The following VEGFC variants were observed in gnomAD, a reference collection of about 807,000 sequenced individuals.
VEGFC encodes FLT4 ligand DHM.
In VEGFC, 12 loss-of-function variants were observed where a neutral mutation model predicts 46.1. The ratio of observed to expected loss-of-function variants is 0.26; its 90% CI spans 0.17 to 0.42. VEGFC has a LOEUF of 0.42. Among genes scored for constraint, VEGFC ranks in the 10% least tolerant of loss-of-function variants. The probability of loss-of-function intolerance (pLI) is 1.00; values close to 1 mark genes in which losing one functional copy is unlikely to be tolerated. For missense variants in VEGFC, 488 were observed against 529.4 expected (o/e 0.92, Z 0.77); for synonymous variants, 232 against 195.5 (o/e 1.19, Z -1.56).
intron 1 of VEGFC, among the ~76,000 whole-genome samples, chr4:176,734,451 G>A (rs1393422908): frequency 1.3e-5 from 2 of 151,784 alleles, no homozygotes; most frequent in Non-Finnish European, 2.9e-5. Context: ...CACTACAAGT[G>A]CTCAGCAAAC....
intron 1 of VEGFC, among the ~76,000 whole-genome samples, chr4:176,787,395 TGC>T (rs1736020891): frequency 6.9e-6 from 1 of 143,916 alleles, no homozygotes; most frequent in South Asian, 2.2e-4. Flanking sequence ...AGGCAGAGGT[TGC>T]AGTGAGCCAA....
chr4:176,689,936 G>A (rs1002462250), intron 4 of VEGFC, among the ~76,000 whole-genome samples: 2 of 152,092 alleles, frequency 1.3e-5, no homozygotes, highest in Non-Finnish European at 2.9e-5. Flanking sequence ...TATTTTGTAG[G>A]AAATAGCTAT....
intron 1 of VEGFC, among the ~76,000 whole-genome samples, chr4:176,779,870 G>A (rs1018478901): frequency 1.3e-5 from 2 of 152,172 alleles, no homozygotes; most frequent in Non-Finnish European, 2.9e-5. Context: ...ATGTGCGAAT[G>A]TACCACCAGT....
intron 1 of VEGFC, among the ~76,000 whole-genome samples, chr4:176,730,761 A>G (rs544885595): frequency 6.6e-6 from 1 of 152,256 alleles, no homozygotes; most frequent in East Asian, 1.9e-4. Flanking sequence ...TGAGCACAAA[A>G]TGAACATATT....
chr4:176,755,109 T>C (rs999915567), intron 1 of VEGFC, among the ~76,000 whole-genome samples: 2 of 152,046 alleles, frequency 1.3e-5, no homozygotes, highest in Admixed American at 6.6e-5. Flanking sequence ...CCAATTCGTA[T>C]AGATGTATAC....
At position 176,727,959 on chromosome 4, in the gene VEGFC, T is replaced by A; in HGVS notation, c.371A>T (p.Asn124Ile). ...CATGCATTGAGTCTTTCTCCACTCA[T>A]TATCAATACCTGTCAAGTCATAGGG... ...YNTEILKSID[N>I]EWRKTQCMPR... is the part of the protein sequence containing the mutation. The change falls in exon 3 of 7, where the codon AAT (asparagine) becomes ATT (isoleucine). Residue 124 changes from asparagine (N) to isoleucine (I), a missense_variant. Transcript: ENST00000618562. 6.2e-6 allele frequency: 10 copies of A among 1,608,092 alleles called. No homozygotes were observed. The highest frequency in any genetic ancestry group is 7.6e-6 in the Non-Finnish European group (9 of 1,176,498).
chr4:176,722,917 C>A (rs972699799), intron 3 of VEGFC, among the ~76,000 whole-genome samples: 1 of 152,182 alleles, frequency 6.6e-6, no homozygotes, highest in African/African-American at 2.4e-5. Flanking sequence ...CCAATACCCA[C>A]TGGGTGAATG....
At chr4:176,756,328 A>C (rs1271045713) in intron 1 of VEGFC, among the ~76,000 whole-genome samples, 1 of 152,088 alleles carries the variant, frequency 6.6e-6, no homozygotes, top group Non-Finnish European at 1.5e-5. Flanking sequence ...ATTTCTACTA[A>C]AGAAGTAGAA....
intron 1 of VEGFC, among the ~76,000 whole-genome samples, 192 bp downstream of exon 1, chr4:176,791,973 C>G (rs1393315510): frequency 2.0e-5 from 3 of 152,194 alleles, no homozygotes; most frequent in Non-Finnish European, 4.4e-5. Context: ...ACTTGCTTGC[C>G]TCTCTAGTAA....
At chr4:176,721,159 A>T (rs1734779851) in intron 3 of VEGFC, among the ~76,000 whole-genome samples, 2 of 152,302 alleles carry the variant, frequency 1.3e-5, no homozygotes, top group South Asian at 4.1e-4. Context: ...GGGGAAAAGC[A>T]TTGACATTTG....
chr4:176,764,286 C>G (rs993674537), intron 1 of VEGFC, among the ~76,000 whole-genome samples: 1 of 152,082 alleles, frequency 6.6e-6, no homozygotes, highest in South Asian at 2.1e-4. Flanking sequence ...AGGCAGAAAA[C>G]AACAGAGTTA....
At chr4:176,732,522 G>A (rs1188001185) in intron 1 of VEGFC, among the ~76,000 whole-genome samples, 1 of 151,800 alleles carries the variant, frequency 6.6e-6, no homozygotes, top group African/African-American at 2.4e-5. Context: ...GTTTTCAGGG[G>A]AGCCAGATAA....
intron 4 of VEGFC, among the ~76,000 whole-genome samples, chr4:176,707,192 C>T (rs1049652989): frequency 3.9e-5 from 6 of 152,126 alleles, no homozygotes; most frequent in African/African-American, 1.2e-4. Context: ...AACATTTGTA[C>T]ACAAGTTATT....
intron 1 of VEGFC, among the ~76,000 whole-genome samples, chr4:176,774,121 C>T (rs1735769064): frequency 1.1e-5 from 1 of 95,186 alleles, no homozygotes; most frequent in Non-Finnish European, 2.4e-5. Context: ...TACTGGTTCC[C>T]TGTGCATTGC....
chr4:176,723,450 T>C (rs1734822431), intron 3 of VEGFC, among the ~76,000 whole-genome samples: 1 of 150,630 alleles, frequency 6.6e-6, no homozygotes, highest in Non-Finnish European at 1.5e-5. Context: ...GGTAAACTTT[T>C]ATTTTAGGTT....
chr4:176,775,303 T>C (rs1735796658), intron 1 of VEGFC, among the ~76,000 whole-genome samples: 1 of 152,212 alleles, frequency 6.6e-6, no homozygotes. Context: ...AAATAAACTA[T>C]TAGAATAAAT....
At chr4:176,700,346 G>A (rs1315149590) in intron 4 of VEGFC, among the ~76,000 whole-genome samples, 1 of 152,002 alleles carries the variant, frequency 6.6e-6, no homozygotes, top group East Asian at 1.9e-4. Context: ...GAACCCGGGA[G>A]GCAGAGGATG....
chr4:176,752,143 C>T (rs1355653446), intron 1 of VEGFC, among the ~76,000 whole-genome samples: 1 of 151,676 alleles, frequency 6.6e-6, no homozygotes, highest in East Asian at 1.9e-4. Context: ...TGTATCTTTT[C>T]TGTGATAAAT....
chr4:176,765,342 C>A (rs2110917407), intron 1 of VEGFC, among the ~76,000 whole-genome samples: 1 of 151,292 alleles, frequency 6.6e-6, no homozygotes, highest in Non-Finnish European at 1.5e-5. Flanking sequence ...GCAGATACTG[C>A]AAATGTTTAA....
Sources: gnomAD v4.1 joint callset for allele counts (sites outside exome capture counted in the v4.1 genomes callset) on GRCh38, gnomAD v4.1.1 for gene constraint, MANE v1.5 for transcripts, NCBI Gene and HGNC (gene_info 2026-07-23, HGNC 2026-07-21) for gene names.